The following LRRC9 variants were observed in gnomAD, a reference collection of about 807,000 sequenced individuals.
The protein encoded by LRRC9 is leucine-rich repeat-containing protein 9.
Under a neutral mutation model 63.2 loss-of-function variants are expected in LRRC9, and 122 were observed. That is an observed-to-expected ratio of 1.93 (90% CI 1.67 to 2.24). LRRC9 has a LOEUF of 2.24. Among genes scored for constraint, LRRC9 ranks in the 30% most tolerant of loss-of-function variants. The pLI is 0.00. For synonymous variants in LRRC9, 366 were observed against 213.1 expected (o/e 1.72, Z -6.25); for missense variants, 1,071 against 627.7 (o/e 1.71, Z -7.55).
chr14:60,053,017 G>A lies in LRRC9; in HGVS notation c.3991-48G>A, dbSNP rs898793952. On this transcript the variant is annotated intron_variant, in intron 29 of 31. Coordinates refer to ENST00000445360, the Ensembl canonical transcript of LRRC9. The surrounding 1 kb of genome is among the most constrained non-coding windows in gnomAD (Gnocchi z 4.8). ...TCCTTCTCTATACAGGTTAATCTTTGAAATAAAAGTTTTGTAGGAATAAAT... is the reference window on the plus strand; with the variant it reads ...TCCTTCTCTATACAGGTTAATCTTTAAAATAAAAGTTTTGTAGGAATAAAT... The A allele has an allele frequency of 8.9e-6, 6 of 674,436 alleles. No individual in the cohort carries two copies. Among genetic ancestry groups the A allele is most frequent in the Non-Finnish European group, 1.6e-5 (6 of 370,296 alleles). 41.8% of individuals were successfully genotyped at this position (674,436 alleles called of 1,614,324 possible).
chr14:59,936,179 C>T lies in LRRC9; in HGVS notation c.544-2211C>T, dbSNP rs1157834865. ...TTACCATTACTTTAATTACATTGAA[C>T]TGCTGTATTTCAGTATCTTCATTTT... On this transcript the variant is annotated intron_variant, in intron 6 of 31. Coordinates refer to ENST00000445360, the Ensembl canonical transcript of LRRC9. The surrounding 1 kb of genome is among the most constrained non-coding windows in gnomAD (Gnocchi z 4.2). Among the ~76,000 whole-genome samples, 1 of 152,118 alleles carries T rather than the reference C, an allele frequency of 6.6e-6. No individual in the cohort carries two copies. The highest frequency in any genetic ancestry group is 1.9e-4 in the East Asian group (1 of 5,188).
Position 60,018,600 on chromosome 14 carries a change from GT to G in LRRC9, c.3426+130del, listed in dbSNP as rs5809058. The stretch of plus-strand genomic sequence containing the variant: ...TAAATTATTCCTAAATTTTCTTTGG[GT>G]TTTTTTTTGTTTTTTACTAAGCAAG... On this transcript the variant is annotated intron_variant, in intron 25 of 31. Coordinates refer to ENST00000445360, the Ensembl canonical transcript of LRRC9. 977 of 407,670 alleles carry G rather than the reference GT, an allele frequency of 2.4e-3. 8 individuals are homozygous for G. Among genetic ancestry groups the G allele is most frequent in the African/African-American group, 0.018 (882 of 48,594 alleles). 25.3% of individuals were successfully genotyped at this position (407,670 alleles called of 1,614,324 possible).
chr14:59,977,160 G>T (rs1205037030), intron 13 of LRRC9, 65 bp from the exon 14 acceptor site: 1 of 624,252 alleles, frequency 1.6e-6, no homozygotes, highest in Non-Finnish European at 2.8e-6. Context: ...CAATAAAGAA[G>T]GTTATGTTGG....
At position 59,986,972 on chromosome 14, in the gene LRRC9, G is replaced by A. The variant is rs959782930; in HGVS notation, c.2211+1748G>A. On this transcript the variant is annotated intron_variant, in intron 17 of 31. Transcript: ENST00000445360. The surrounding 1 kb of genome is among the most constrained non-coding windows in gnomAD (Gnocchi z 4.7). ...GGATATTAGAGGTGGCCAGAGAGAG[G>A]AGAAACTCTACATGGATGTCTATGT... is the stretch of plus-strand genomic sequence containing the variant. Among the ~76,000 whole-genome samples, 5 of 152,062 alleles carry A rather than the reference G, an allele frequency of 3.3e-5. No homozygotes were observed. Among genetic ancestry groups the A allele is most frequent in the Admixed American group, 2.0e-4 (3 of 15,256 alleles).
intron 8 of LRRC9, among the ~76,000 whole-genome samples, chr14:59,952,271 G>A (rs983219029): frequency 2.6e-5 from 4 of 152,166 alleles, no homozygotes; most frequent in African/African-American, 9.7e-5. Flanking sequence ...TTCCAGGTGC[G>A]TCCGTCACGC....
intron 15 of LRRC9, 79 bp from the exon 16 acceptor site, chr14:59,981,769 C>T (rs564518175): frequency 6.4e-6 from 4 of 625,578 alleles, no homozygotes; most frequent in South Asian, 5.8e-5. Flanking sequence ...GTCAACTCAT[C>T]TTTTCTACAT....
intron 7 of LRRC9, among the ~76,000 whole-genome samples, chr14:59,939,642 A>T (rs1280986539): frequency 2.6e-5 from 4 of 152,014 alleles, no homozygotes; most frequent in Non-Finnish European, 5.9e-5. Context: ...GGGTTTACTG[A>T]TGGATTGAAT....
chr14:60,040,420 C>G (rs1333162404), intron 29 of LRRC9, among the ~76,000 whole-genome samples: 1 of 151,900 alleles, frequency 6.6e-6, no homozygotes, highest in East Asian at 1.9e-4. Context: ...TCTCTAAGGA[C>G]TTGCTTTATG....
At chr14:60,001,886 G>A (rs1889398606) in intron 19 of LRRC9, 80 bp from the exon 20 acceptor site, 1 of 435,234 alleles carries the variant, frequency 2.3e-6, no homozygotes, top group Non-Finnish European at 4.1e-6. Context: ...ATCTTCCCTG[G>A]AAACAATAAT....
chr14:60,009,475 C>T (rs1890083485), intron 23 of LRRC9, among the ~76,000 whole-genome samples: 2 of 152,180 alleles, frequency 1.3e-5, no homozygotes. Flanking sequence ...AAAACCCATC[C>T]CCATGATTCA....
intron 27 of LRRC9, among the ~76,000 whole-genome samples, chr14:60,026,954 A>G (rs1233502836): frequency 6.6e-6 from 1 of 151,946 alleles, no homozygotes; most frequent in African/African-American, 2.4e-5. Flanking sequence ...CTTTTTAAAG[A>G]CACTTTCTCC....
chr14:59,934,622 G>T (rs1889979815), intron 6 of LRRC9, among the ~76,000 whole-genome samples: 1 of 152,162 alleles, frequency 6.6e-6, no homozygotes, highest in Non-Finnish European at 1.5e-5. Flanking sequence ...TTGTGACAGG[G>T]ACAGGCAGTA....
Position 60,058,611 on chromosome 14 carries a change from A to C in LRRC9, c.4276+589A>C, listed in dbSNP as rs75671676. ...TAAATTTTAGTTCAAGTTTAGAATA[A>C]GCCTGTTCCCTAATTCCACATCTTT... On this transcript the variant is annotated intron_variant, in intron 31 of 31. Coordinates refer to ENST00000445360, the Ensembl canonical transcript of LRRC9. This position sits in a 1 kb window ranked among gnomAD's most constrained non-coding sequence, Gnocchi z 4.4. Among the ~76,000 whole-genome samples the C allele has an allele frequency of 0.051, 7,775 of 152,244 alleles. 625 individuals carry two copies. Among genetic ancestry groups the C allele is most frequent in the African/African-American group, 0.17 (7,061 of 41,508 alleles).
intron 21 of LRRC9, 109 bp from the exon 22 acceptor site, chr14:60,006,288 G>C: frequency 1.7e-6 from 1 of 585,810 alleles, no homozygotes; most frequent in Non-Finnish European, 3.0e-6. Flanking sequence ...AATCTTTAAA[G>C]CCATTTGAAC....
At chr14:60,047,877 A>C (rs1196396644) in intron 29 of LRRC9, among the ~76,000 whole-genome samples, 1 of 152,148 alleles carries the variant, frequency 6.6e-6, no homozygotes, top group Non-Finnish European at 1.5e-5. Flanking sequence ...CTCAAAAATT[A>C]ATCACATAAT....
intron 8 of LRRC9, among the ~76,000 whole-genome samples, chr14:59,952,213 T>C (rs1260305242): frequency 1.3e-5 from 2 of 151,840 alleles, no homozygotes; most frequent in Admixed American, 6.6e-5. Context: ...TGCGCCGTTT[T>C]TTAAGCCGGT....
chr14:60,000,127 A>G (rs1191672769), intron 19 of LRRC9, among the ~76,000 whole-genome samples: 1 of 152,158 alleles, frequency 6.6e-6, no homozygotes, highest in African/African-American at 2.4e-5. Context: ...AAAGAATGAA[A>G]TCATGTACTT....
intron 7 of LRRC9, among the ~76,000 whole-genome samples, chr14:59,939,010 T>C (rs1490195974): frequency 8.7e-6 from 1 of 114,510 alleles, no homozygotes; most frequent in Non-Finnish European, 1.8e-5. Context: ...TATACATATA[T>C]ACACATATAT....
intron 8 of LRRC9, among the ~76,000 whole-genome samples, chr14:59,957,370 G>T (rs1333239025): frequency 6.6e-6 from 1 of 151,836 alleles, no homozygotes; most frequent in Non-Finnish European, 1.5e-5. Flanking sequence ...CCTTATTTCA[G>T]TAAGTTGATC....
Sources: allele counts gnomAD v4.1 joint callset (sites outside exome capture counted in the v4.1 genomes callset), GRCh38; gene constraint gnomAD v4.1.1; non-coding constraint Gnocchi (gnomAD v3.1); transcripts MANE v1.5; gene names NCBI Gene and HGNC (gene_info 2026-07-23, HGNC 2026-07-21).